Variants in SYNJ1 observed in about 807,000 individuals in gnomAD.
SYNJ1 encodes polyphosphatidylinositol phosphatase SYNJ1.
In SYNJ1, 78 loss-of-function variants were observed where a neutral mutation model predicts 168.2. The ratio of observed to expected loss-of-function variants is 0.46; its 90% CI spans 0.39 to 0.56. The LOEUF is 0.56. Ranked by LOEUF, SYNJ1 falls within the 20% of genes least tolerant of loss-of-function variation. The pLI is 0.00. For missense variants in SYNJ1, 1,303 were observed against 1,597.6 expected (o/e 0.82, Z 3.14); for synonymous variants, 539 against 548.6 (o/e 0.98, Z 0.24).
intron 18 of SYNJ1, among the ~76,000 whole-genome samples, chr21:32,659,405 C>T (rs1364710149): frequency 9.9e-5 from 15 of 152,046 alleles, no homozygotes; most frequent in Non-Finnish European, 2.2e-4. Flanking sequence ...GTCTTATGCC[C>T]AATTTCTGCC....
chr21:32,693,042 TATATAAATAAATAA>T (rs1479577396), intron 6 of SYNJ1, among the ~76,000 whole-genome samples: 4 of 151,520 alleles, frequency 2.6e-5, no homozygotes, highest in Admixed American at 2.6e-4. Context: ...AATAAATAAA[TATATAAATAAATAA>T]ATATAAATAA....
chr21:32,695,048 T>C lies in SYNJ1; in HGVS notation c.705+9A>G, dbSNP rs2042154034. The C allele has an allele frequency of 6.2e-7, 1 of 1,609,726 alleles. No individual in the cohort carries two copies. The highest frequency in any genetic ancestry group is 1.3e-5 in the African/African-American group (1 of 74,910). Reference sequence around the variant, plus strand: ...AAATTAATTAAGTAATATAAAACACTATATATACCTGTTCTGTTTCTACAA... The same window carrying C: ...AAATTAATTAAGTAATATAAAACACCATATATACCTGTTCTGTTTCTACAA... On this transcript the variant is annotated intron_variant, in intron 5 of 32. Coordinates refer to ENST00000674351, the MANE Select transcript of SYNJ1 (RefSeq NM_203446.3).
intron 11 of SYNJ1, among the ~76,000 whole-genome samples, chr21:32,680,697 C>A (rs1425195256): frequency 6.6e-6 from 1 of 151,940 alleles, no homozygotes; most frequent in East Asian, 1.9e-4. Context: ...CTCACTGCAA[C>A]CACCACCTCC....
At chr21:32,717,392 T>A (rs2043063477) in intron 2 of SYNJ1, among the ~76,000 whole-genome samples, 1 of 152,236 alleles carries the variant, frequency 6.6e-6, no homozygotes, top group African/African-American at 2.4e-5. Flanking sequence ...TTGACTTTGC[T>A]CCTTATGAGG....
Position 32,665,861 on chromosome 21 carries a change from C to T in SYNJ1, c.2145+82G>A, listed in dbSNP as rs113528955. On this transcript the variant is annotated intron_variant, in intron 17 of 32. Transcript: ENST00000674351. Reference sequence around the variant, plus strand: ...TGTTTCTAGGAACTATCTTAAATTTCCAAAAACATTGATGTAGAATTTGGG... The same window carrying T: ...TGTTTCTAGGAACTATCTTAAATTTTCAAAAACATTGATGTAGAATTTGGG... 290 of 1,366,338 alleles carry T rather than the reference C, an allele frequency of 2.1e-4. 3 individuals carry two copies. In the African/African-American group the frequency reaches 2.9e-3, roughly 14 times the overall value. The allele number at this position is 1,366,338 out of a possible 1,614,324, so 84.6% of individuals were successfully genotyped here.
intron 9 of SYNJ1, among the ~76,000 whole-genome samples, chr21:32,684,727 A>G (rs2041756268): frequency 1.3e-5 from 2 of 152,202 alleles, no homozygotes; most frequent in Admixed American, 1.3e-4. Flanking sequence ...ATTAAAACGT[A>G]AGTTTTAAAA....
intron 9 of SYNJ1, among the ~76,000 whole-genome samples, chr21:32,685,369 T>C (rs1379074865): frequency 4.1e-5 from 6 of 148,046 alleles, no homozygotes; most frequent in Admixed American, 1.4e-4. Flanking sequence ...GGTGGATCAC[T>C]TGAGCCCAGG....
chr21:32,664,471 T>C (rs2040841840), intron 18 of SYNJ1, among the ~76,000 whole-genome samples: 1 of 152,078 alleles, frequency 6.6e-6, no homozygotes, highest in African/African-American at 2.4e-5. Context: ...GTGCTATCTA[T>C]AGATTTCAGA....
chr21:32,726,671 G>A, intron 2 of SYNJ1, 101 bp downstream of exon 2: 2 of 1,437,398 alleles, frequency 1.4e-6, no homozygotes, highest in Non-Finnish European at 1.9e-6. Context: ...AGGAAATACA[G>A]TGAAAGGGTT....
intron 4 of SYNJ1, among the ~76,000 whole-genome samples, chr21:32,696,918 T>TA (rs1212432338): frequency 6.6e-6 from 1 of 152,236 alleles, no homozygotes; most frequent in Non-Finnish European, 1.5e-5. Context: ...TACACTGACT[T>TA]AAACTTCCAT....
intron 2 of SYNJ1, among the ~76,000 whole-genome samples, chr21:32,715,536 G>A (rs190800960): frequency 2.6e-5 from 4 of 152,068 alleles, no homozygotes; most frequent in African/African-American, 9.6e-5. Context: ...TGGTCCACAG[G>A]ATATTAAATG....
chr21:32,724,585 G>T (rs1354686887), intron 2 of SYNJ1, among the ~76,000 whole-genome samples: 1 of 152,230 alleles, frequency 6.6e-6, no homozygotes, highest in Non-Finnish European at 1.5e-5. Context: ...AGGGAGCTGG[G>T]ATTATTGAAG....
intron 32 of SYNJ1, 48 bp downstream of exon 32, chr21:32,634,810 ATGT>A (rs1220378281): frequency 6.3e-7 from 1 of 1,595,070 alleles, no homozygotes; most frequent in African/African-American, 1.3e-5. Context: ...CATACATCTA[ATGT>A]GTTGAGACGG....
chr21:32,665,673 T>C (rs1203496422), intron 17 of SYNJ1, among the ~76,000 whole-genome samples: 1 of 152,166 alleles, frequency 6.6e-6, no homozygotes, highest in African/African-American at 2.4e-5. Flanking sequence ...AAAAGCAAAC[T>C]GTACCCCCGA....
intron 5 of SYNJ1, 77 bp downstream of exon 5, chr21:32,694,980 T>TA: frequency 7.4e-7 from 1 of 1,350,378 alleles, no homozygotes; most frequent in Non-Finnish European, 1.0e-6. Flanking sequence ...CCGAATCAAA[T>TA]AAAAATCTGT....
chr21:32,695,635 ATT>A (rs2042177038), intron 4 of SYNJ1, among the ~76,000 whole-genome samples: 1 of 120,226 alleles, frequency 8.3e-6, no homozygotes, highest in Non-Finnish European at 1.9e-5. Flanking sequence ...TTAAAAAAAT[ATT>A]TATTTATTTA....
chr21:32,723,688 G>A (rs1313033201), intron 2 of SYNJ1, among the ~76,000 whole-genome samples: 4 of 152,304 alleles, frequency 2.6e-5, no homozygotes, highest in Admixed American at 1.3e-4. Context: ...GGGCATAGTC[G>A]TGTGCGCCTG....
chr21:32,662,546 T>C (rs1420182366), intron 18 of SYNJ1, among the ~76,000 whole-genome samples: 1 of 152,096 alleles, frequency 6.6e-6, no homozygotes, highest in African/African-American at 2.4e-5. Context: ...TGAAGACTGA[T>C]GGGGACTTGT....
At position 32,672,388 on chromosome 21, in the gene SYNJ1, T is replaced by TG. The variant is rs1351669153; in HGVS notation, c.1726+951dup. Among the ~76,000 whole-genome samples, 6 of 152,042 alleles carry TG rather than the reference T, an allele frequency of 3.9e-5. No homozygotes were observed. In the South Asian group the frequency reaches 6.2e-4, roughly 16 times the overall value. On this transcript the variant is annotated intron_variant, in intron 14 of 32. Transcript: ENST00000674351. ...AGAGTTTCACTCTTGTCACCCAGGC[T>TG]GGATGCAGTGGTGGGATCTCCGCTC...
Sources: allele counts gnomAD v4.1 joint callset (sites outside exome capture counted in the v4.1 genomes callset), GRCh38; gene constraint gnomAD v4.1.1; transcripts MANE v1.5; gene names NCBI Gene and HGNC (gene_info 2026-07-23, HGNC 2026-07-21).